MPP3: variants seen among roughly 807,000 people sequenced by gnomAD.
MPP3 encodes MAGUK p55 scaffold protein 3, also known as MAGUK p55 subfamily member 3.
MPP3 carries 48 observed loss-of-function variants against 80.7 expected under a neutral mutation model. The observed-to-expected ratio is 0.59, with a 90% CI of 0.47 to 0.76. MPP3 has a LOEUF of 0.76. MPP3 is among the 30% of genes least tolerant of loss of function. The probability of loss-of-function intolerance (pLI) is 0.00; values close to 1 mark genes in which losing one functional copy is unlikely to be tolerated. For synonymous variants in MPP3, 311 were observed against 297.6 expected (o/e 1.04, Z -0.46); for missense variants, 620 against 763.0 (o/e 0.81, Z 2.21).
chr17:43,815,861 C>T, intron 14 of MPP3, 177 bp downstream of exon 14: 2 of 700,052 alleles, frequency 2.9e-6, no homozygotes, highest in Non-Finnish European at 4.8e-6. Flanking sequence ...GGCCCAATGC[C>T]TGGGCAGGCT....
intron 10 of MPP3, among the ~76,000 whole-genome samples, chr17:43,823,125 A>C (rs1341786272): frequency 1.3e-5 from 2 of 152,124 alleles, no homozygotes; most frequent in African/African-American, 4.8e-5. Context: ...CCACTTCCCA[A>C]ATAAACCATT....
chr17:43,815,935 G>A, intron 14 of MPP3, 103 bp downstream of exon 14: 1 of 1,098,614 alleles, frequency 9.1e-7, no homozygotes, highest in Non-Finnish European at 1.3e-6. Context: ...CACTGCTCCA[G>A]AAGGACTCCT....
intron 13 of MPP3, 63 bp downstream of exon 13, chr17:43,816,614 G>C: frequency 6.8e-7 from 1 of 1,480,296 alleles, no homozygotes; most frequent in Non-Finnish European, 9.2e-7. Flanking sequence ...GAGCCCCTCA[G>C]GCCCCAGACG....
At chr17:43,814,601 C>A in intron 14 of MPP3, 1 of 410,700 alleles carries the variant, frequency 2.4e-6, no homozygotes, top group Non-Finnish European at 4.3e-6. Context: ...TGTGACTGAC[C>A]TTGGACAAGT....
intron 11 of MPP3, chr17:43,818,971 C>T (rs945740696): frequency 1.3e-5 from 2 of 152,140 alleles, no homozygotes; most frequent in Admixed American, 1.3e-4. Flanking sequence ...AGCTGTCCCC[C>T]ACATCCTCTG....
chr17:43,824,956 A>G (rs1261755697), intron 9 of MPP3: 3 of 152,172 alleles, frequency 2.0e-5, no homozygotes, highest in Non-Finnish European at 4.4e-5. Context: ...TTGTATTTTT[A>G]GTAGAGACGG....
intron 19 of MPP3, among the ~76,000 whole-genome samples, chr17:43,803,006 A>G (rs1455971965): frequency 6.6e-6 from 1 of 152,224 alleles, no homozygotes; most frequent in Non-Finnish European, 1.5e-5. Flanking sequence ...GAAGGCTGAG[A>G]TAATTTCTTC....
chr17:43,801,891 G>A lies in MPP3; in HGVS notation c.1582-14C>T, dbSNP rs2044424119. On this transcript the variant is annotated splice_polypyrimidine_tract_variant and intron_variant, in intron 19 of 19. Transcript: ENST00000398389. ...CTGCTGCTCATCCTGCAAGGAAAGG[G>A]GTGGTAAAAGGAGCAACTGGGTTGT... 1.2e-6 allele frequency: 2 copies of A among 1,606,720 alleles called. No individual in the cohort carries two copies. Among genetic ancestry groups the A allele is most frequent in the East Asian group, 4.5e-5 (2 of 44,808 alleles).
chr17:43,823,815 G>T (rs2045570721), intron 10 of MPP3, 116 bp downstream of exon 10: 1 of 714,550 alleles, frequency 1.4e-6, no homozygotes, highest in Non-Finnish European at 2.4e-6. Context: ...ACTAGGATCA[G>T]ATCTATGATC....
intron 11 of MPP3, among the ~76,000 whole-genome samples, chr17:43,820,423 C>T (rs1472138059): frequency 6.6e-6 from 1 of 151,892 alleles, no homozygotes; most frequent in African/African-American, 2.4e-5. Context: ...CAAACCCTGT[C>T]TCTACTAAAA....
Position 43,820,882 on chromosome 17 carries a change from GGGGATGAGGCC to G in MPP3, c.850_860del (p.Gly284LeufsTer30). 1 of 1,614,204 alleles carries G rather than the reference GGGGATGAGGCC, an allele frequency of 6.2e-7. No homozygotes were observed. The highest frequency in any genetic ancestry group is 8.5e-7 in the Non-Finnish European group (1 of 1,180,024). On this transcript the variant is annotated frameshift_variant, in exon 11 of 20. Transcript: ENST00000398389. LOFTEE classifies it high-confidence loss of function. Reference sequence around the variant, plus strand: ...CCCACCTCTCCTGGAACCCCTTGGAGGGGATGAGGCCGGCTCGAAGGTTGGTGTCCCCGACT... The same window carrying G: ...CCCACCTCTCCTGGAACCCCTTGGAGGGCTCGAAGGTTGGTGTCCCCGACT...
At chr17:43,830,431 A>G (rs1340152534) in intron 5 of MPP3, among the ~76,000 whole-genome samples, 1 of 152,222 alleles carries the variant, frequency 6.6e-6, no homozygotes, top group Non-Finnish European at 1.5e-5. Flanking sequence ...AGACTCAAAG[A>G]GATTAAACAT....
At chr17:43,828,951 G>T (rs2045836836) in intron 7 of MPP3, among the ~76,000 whole-genome samples, 1 of 152,240 alleles carries the variant, frequency 6.6e-6, no homozygotes. Flanking sequence ...TCTGTTTGCA[G>T]AAGAGGCTCG....
At chr17:43,807,791 A>AG (rs2044681726) in intron 19 of MPP3, among the ~76,000 whole-genome samples, 1 of 152,026 alleles carries the variant, frequency 6.6e-6, no homozygotes, top group African/African-American at 2.4e-5. Flanking sequence ...CCCTGTCTCT[A>AG]TAAAAAAATT....
intron 10 of MPP3, among the ~76,000 whole-genome samples, chr17:43,823,598 A>G (rs1207510650): frequency 6.6e-6 from 1 of 152,224 alleles, no homozygotes; most frequent in East Asian, 1.9e-4. Context: ...CTCAGCAACA[A>G]TTAAACAAAT....
intron 9 of MPP3, chr17:43,825,121 T>A (rs1230751741): frequency 1.3e-5 from 2 of 152,338 alleles, no homozygotes; most frequent in Non-Finnish European, 2.9e-5. Flanking sequence ...TCTCATCCTG[T>A]TTCTGCCCCC....
rs1444068909 is a variant in MPP3, at chr17:43,830,040, G to A, written c.290C>T (p.Thr97Ile). Residue 97 changes from threonine (T) to isoleucine (I), a missense_variant, in exon 6 of 20, where the codon ACC becomes ATC. Transcript: ENST00000398389. ...DERELLQLLSTPHLRAVLMVH... is the reference protein window; with the variant it reads ...DERELLQLLSIPHLRAVLMVH... ...CTGTGTGACTACCCTCAGGTGCGGG[G>A]TGGACAGCAGCTGGAGCAGCTCCCT... The A allele has an allele frequency of 6.3e-7, 1 of 1,598,034 alleles. No homozygotes were observed. Among genetic ancestry groups the A allele is most frequent in the Non-Finnish European group, 8.5e-7 (1 of 1,173,710 alleles).
intron 10 of MPP3, among the ~76,000 whole-genome samples, chr17:43,822,626 G>A (rs960622187): frequency 7.0e-6 from 1 of 142,406 alleles, no homozygotes; most frequent in African/African-American, 2.7e-5. Context: ...CCTCCCCGTG[G>A]CTGCCTCACG....
chr17:43,812,269 C>T (rs1165474195), intron 16 of MPP3, among the ~76,000 whole-genome samples: 2 of 152,222 alleles, frequency 1.3e-5, no homozygotes, highest in African/African-American at 4.8e-5. Context: ...TCTTGAGGCA[C>T]TGTGTCTTCT....
Sources: allele counts gnomAD v4.1 joint callset (sites outside exome capture counted in the v4.1 genomes callset), GRCh38; gene constraint gnomAD v4.1.1; transcripts MANE v1.5; gene names NCBI Gene and HGNC (gene_info 2026-07-23, HGNC 2026-07-21).